CDC6: variants seen among roughly 807,000 people sequenced by gnomAD.
CDC6 encodes the protein DNA replication factor CDC6.
A neutral mutation model predicts 60.2 loss-of-function variants in CDC6; 46 were observed. The ratio of observed to expected loss-of-function variants is 0.76; its 90% CI spans 0.60 to 0.98. The LOEUF is 0.98. Ranked by LOEUF, CDC6 falls within the 50% of genes least tolerant of loss-of-function variation. CDC6 has a pLI of 0.00. For synonymous variants in CDC6, 210 were observed against 233.2 expected, an observed-to-expected ratio of 0.90 and a Z score of 0.90; for missense variants, 596 against 652.9, an observed-to-expected ratio of 0.91 and a Z score of 0.95.
chr17:40,299,203 A>T (rs1292460442), intron 9 of CDC6, among the ~76,000 whole-genome samples: 5 of 123,348 alleles, frequency 4.1e-5, no homozygotes, highest in African/African-American at 1.6e-4. Context: ...GCTGGAGTGC[A>T]GTGGCGTGAT....
Position 40,291,495 on chromosome 17 carries a change from G to C in CDC6, c.487G>C (p.Val163Leu). ...EGTCYQQAKL[V>L]LNTAVPDRLP... is the part of the protein sequence containing the mutation. ...CACTTGCTACCAGCAAGCAAAGCTG[G>C]TCCTGAACACAGCTGTCCCAGATCG... is the stretch of plus-strand genomic sequence containing the variant. The change falls in exon 4 of 12, where the codon GTC (valine) becomes CTC (leucine). Residue 163 changes from valine to leucine, a missense_variant. By Grantham distance (32) the Val-to-Leu change is conservative. Transcript: ENST00000209728. 1 of 1,614,208 alleles carries C rather than the reference G, an allele frequency of 6.2e-7. No homozygotes were observed. The highest frequency in any genetic ancestry group is 8.5e-7 in the Non-Finnish European group (1 of 1,180,042).
At chr17:40,299,524 T>G (rs913934877) in intron 9 of CDC6, among the ~76,000 whole-genome samples, 2 of 152,144 alleles carry the variant, frequency 1.3e-5, no homozygotes, top group African/African-American at 4.8e-5. Flanking sequence ...GTATTTGGTT[T>G]TCTGTTCCTA....
chr17:40,297,637 G>T lies in CDC6; in HGVS notation c.1249+870G>T, dbSNP rs1222964791. 2.0e-5 allele frequency among the ~76,000 whole-genome samples: 3 copies of T among 152,202 alleles called. No homozygotes were observed. The East Asian group carries it at 5.8e-4, about 29-fold the overall frequency. On this transcript the variant is annotated intron_variant, in intron 9 of 11. Transcript: ENST00000209728. The stretch of plus-strand genomic sequence containing the variant: ...TTAAAAAAAATTAGGCAAGCATGGT[G>T]TGTGCCTGTAGTCCTAGCTACTTGG...
chr17:40,304,568 C>G lies in CDC6; in HGVS notation c.*2567C>G, dbSNP rs969075549. 2.0e-5 allele frequency: 3 copies of G among 152,252 alleles called. No individual in the cohort carries two copies. Among genetic ancestry groups the G allele is most frequent in the Non-Finnish European group, 4.4e-5 (3 of 68,064 alleles). 9.4% of individuals were successfully genotyped at this position (152,252 alleles called of 1,614,324 possible). A position where few individuals can be genotyped will look rare whatever the true frequency, so the allele number is the denominator to read the frequency against. On this transcript the variant is annotated 3_prime_UTR_variant, in exon 12 of 12. Coordinates refer to ENST00000209728, the MANE Select transcript of CDC6 (RefSeq NM_001254.4). Reference sequence around the variant, plus strand: ...TATATCCTGGTTTATCTCTCTCCCCCACCCCAAGGAAGCTGATTAAGCTTC... The same window carrying G: ...TATATCCTGGTTTATCTCTCTCCCCGACCCCAAGGAAGCTGATTAAGCTTC...
rs114388278 is a variant in CDC6 at position 40,302,441 on chromosome 17, G to A, written c.*440G>A. The A allele has an allele frequency of 7.9e-5, 13 of 165,460 alleles. No individual in the cohort carries two copies. The highest frequency in any genetic ancestry group is 2.9e-4 in the African/African-American group (12 of 41,646). 10.2% of individuals were successfully genotyped at this position (165,460 alleles called of 1,614,324 possible). ...GCGTTCTCTGCTCACTACAGCACCCGCTTCCCAGGTTGAAGTGATTCTCTT... is the reference window on the plus strand; with the variant it reads ...GCGTTCTCTGCTCACTACAGCACCCACTTCCCAGGTTGAAGTGATTCTCTT... On this transcript the variant is annotated 3_prime_UTR_variant, in exon 12 of 12. Transcript: ENST00000209728.
intron 11 of CDC6, 144 bp from the exon 12 acceptor site, chr17:40,301,768 A>G (rs966474618): frequency 4.2e-6 from 4 of 941,786 alleles, no homozygotes; most frequent in Non-Finnish European, 6.9e-6. Context: ...TGTGATATGA[A>G]TATTTTTTCA....
chr17:40,300,058 G>A (rs1598518531), intron 9 of CDC6, among the ~76,000 whole-genome samples: 2 of 151,954 alleles, frequency 1.3e-5, no homozygotes, highest in African/African-American at 4.8e-5. Context: ...TGCCTCCCGG[G>A]TTCAAGTGAT....
At chr17:40,301,445 T>A (rs1423984539) in intron 10 of CDC6, 23 bp from the exon 11 acceptor site, 2 of 1,613,468 alleles carry the variant, frequency 1.2e-6, no homozygotes, top group Admixed American at 3.3e-5. Flanking sequence ...AAGCAGCGTT[T>A]GTTCTCCCTT....
At position 40,302,378 on chromosome 17, in the gene CDC6, CG is replaced by C. The variant is rs1347250230; in HGVS notation, c.*378del. ...TTTTTTGTTGTTGTTGTTTTTGAGG[CG>C]CGTCTCACCCTGTTGCCCAGGCTGG... On this transcript the variant is annotated 3_prime_UTR_variant, in exon 12 of 12. Coordinates refer to ENST00000209728, the MANE Select transcript of CDC6 (RefSeq NM_001254.4). 1.2e-5 allele frequency: 3 copies of C among 254,984 alleles called. No individual in the cohort carries two copies. Among genetic ancestry groups the C allele is most frequent in the Admixed American group, 1.0e-4 (2 of 19,298 alleles). The allele number at this position is 254,984 out of a possible 1,614,324, so 15.8% of individuals were successfully genotyped here. A position where few individuals can be genotyped will look rare whatever the true frequency, so the allele number is the denominator to read the frequency against.
intron 9 of CDC6, 81 bp from the exon 10 acceptor site, chr17:40,300,747 C>T (rs1296412998): frequency 2.7e-6 from 3 of 1,114,232 alleles, no homozygotes; most frequent in East Asian, 2.3e-5. Context: ...TTAGCTCAAA[C>T]TTAGTATCAT....
chr17:40,301,446 G>T, intron 10 of CDC6, 22 bp from the exon 11 acceptor site: 1 of 1,613,458 alleles, frequency 6.2e-7, no homozygotes, highest in South Asian at 1.1e-5. Flanking sequence ...AGCAGCGTTT[G>T]TTCTCCCTTG....
intron 6 of CDC6, 55 bp from the exon 7 acceptor site, chr17:40,294,309 G>A (rs2032824266): frequency 7.1e-7 from 1 of 1,405,542 alleles, no homozygotes; most frequent in Non-Finnish European, 1.0e-6. Flanking sequence ...AGAAGATTTA[G>A]TTTTCCCTTT....
chr17:40,291,675 T>C lies in CDC6; in HGVS notation c.660+7T>C. On this transcript the variant is annotated splice_region_variant and intron_variant, in intron 4 of 11. Coordinates refer to ENST00000209728, the MANE Select transcript of CDC6 (RefSeq NM_001254.4). Reference sequence around the variant, plus strand: ...GATTCTGCAAGACCTCAAGGTACATTGAGAGTCTGAATTATGATACTCTTG... The same window carrying C: ...GATTCTGCAAGACCTCAAGGTACATCGAGAGTCTGAATTATGATACTCTTG... 1 of 1,611,064 alleles carries C rather than the reference T, an allele frequency of 6.2e-7. No individual in the cohort carries two copies. The highest frequency in any genetic ancestry group is 8.5e-7 in the Non-Finnish European group (1 of 1,177,222).
At chr17:40,295,487 T>TAAAAA in intron 8 of CDC6, 31 bp downstream of exon 8, 2 of 1,119,848 alleles carry the variant, frequency 1.8e-6, no homozygotes, top group Non-Finnish European at 2.7e-6. Context: ...ATTCTTTTAT[T>TAAAAA]AAAAAAAAAA....
At position 40,289,581 on chromosome 17, in the gene CDC6, G is replaced by A. The variant is rs760863872; in HGVS notation, c.161G>A (p.Ser54Asn). ...CCTCGTGTAAAAGCCCTGCCTCTCA[G>A]CCCCAGGAAACGTCTGGGTAAACCA... is the stretch of plus-strand genomic sequence containing the variant. ...CSPRVKALPLSPRKRLGDDNL... is the reference protein window; with the variant it reads ...CSPRVKALPLNPRKRLGDDNL... The change falls in exon 2 of 12, where the codon AGC becomes AAC. Residue 54 changes from serine to asparagine, a missense_variant. Transcript: ENST00000209728. 5.0e-6 allele frequency: 8 copies of A among 1,613,572 alleles called. No individual in the cohort carries two copies. The highest frequency in any genetic ancestry group is 4.0e-5 in the African/African-American group (3 of 74,826).
At position 40,291,539 on chromosome 17, in the gene CDC6, G is replaced by A; in HGVS notation, c.531G>A (p.Arg177=). The change falls in exon 4 of 12, where the codon AGG becomes AGA. Residue 177 remains arginine, a synonymous_variant. Coordinates refer to ENST00000209728, the MANE Select transcript of CDC6 (RefSeq NM_001254.4). ...AVPDRLPARE[R]EMDVIRNFLR... The stretch of plus-strand genomic sequence containing the variant: ...CAGATCGGCTGCCTGCCAGGGAAAG[G>A]GAGATGGATGTCATCAGGAATTTCT... The A allele has an allele frequency of 1.2e-6, 2 of 1,614,192 alleles. No individual in the cohort carries two copies. Among genetic ancestry groups the A allele is most frequent in the Non-Finnish European group, 1.7e-6 (2 of 1,180,030 alleles).
chr17:40,289,207 C>A, intron 1 of CDC6: 1 of 535,848 alleles, frequency 1.9e-6, no homozygotes, highest in Non-Finnish European at 3.4e-6. Flanking sequence ...TATAACAGCG[C>A]CCTTCCACGT....
Position 40,302,418 on chromosome 17 carries a change from G to A in CDC6, c.*417G>A, listed in dbSNP as rs938014926. 3.2e-5 allele frequency: 7 copies of A among 221,786 alleles called. No individual in the cohort carries two copies. In the East Asian group the frequency reaches 7.6e-4, roughly 24 times the overall value. The allele number at this position is 221,786 out of a possible 1,614,324, so 13.7% of individuals were successfully genotyped here. A position where few individuals can be genotyped will look rare whatever the true frequency, so the allele number is the denominator to read the frequency against. On this transcript the variant is annotated 3_prime_UTR_variant, in exon 12 of 12. Transcript: ENST00000209728. ...TGCCCAGGCTGGAGTGCAATGGCGCGTTCTCTGCTCACTACAGCACCCGCT... is the reference window on the plus strand; with the variant it reads ...TGCCCAGGCTGGAGTGCAATGGCGCATTCTCTGCTCACTACAGCACCCGCT...
intron 9 of CDC6, among the ~76,000 whole-genome samples, chr17:40,298,632 G>C (rs1029898032): frequency 5.9e-5 from 9 of 152,050 alleles, no homozygotes; most frequent in Admixed American, 2.0e-4. Flanking sequence ...CAAACTCCTG[G>C]GATAAAGTGA....
Sources: gnomAD v4.1 joint callset for allele counts (sites outside exome capture counted in the v4.1 genomes callset) on GRCh38, gnomAD v4.1.1 for gene constraint, MANE v1.5 for transcripts, NCBI Gene and HGNC (gene_info 2026-07-23, HGNC 2026-07-21) for gene names.